Variants in USP7 observed in about 807,000 individuals in gnomAD.
The protein encoded by USP7 is ubiquitin C-terminal hydrolase 7.
A neutral mutation model predicts 162.9 loss-of-function variants in USP7; 9 were observed. The ratio of observed to expected loss-of-function variants is 0.06; its 90% CI spans 0.03 to 0.10. USP7 has a LOEUF of 0.10. USP7 is among the 10% of genes least tolerant of loss of function. The pLI is 1.00. For missense variants in USP7, 715 were observed against 1,373.7 expected, an observed-to-expected ratio of 0.52 and a Z score of 7.58; for synonymous variants, 562 against 475.9, an observed-to-expected ratio of 1.18 and a Z score of -2.35.
rs1416078089 is a variant in USP7, at chr16:8,897,714, A to ATATATATATAT, written c.2719-616_2719-615insATATATATATA. 7.0e-5 allele frequency among the ~76,000 whole-genome samples: 3 copies of ATATATATATAT among 42,948 alleles called. No homozygotes were observed. In the South Asian group the frequency reaches 3.0e-3, roughly 43 times the overall value. The allele number at this position is 42,948 out of a possible 152,430, so 28.2% of individuals were successfully genotyped here. On this transcript the variant is annotated intron_variant, in intron 25 of 30. Transcript: ENST00000344836. ...CTGTCTCTACAAAAAAAAAAAAAAA[A>ATATATATATAT]AAAAAAAAAAAAATATATATATATA... is the stretch of plus-strand genomic sequence containing the variant.
At position 8,963,451 on chromosome 16, in the gene USP7, G is replaced by GGGC. The variant is rs1050315230; in HGVS notation, c.-169_-167dup. On this transcript the variant is annotated 5_prime_UTR_variant, in exon 1 of 31. Coordinates refer to ENST00000344836, the MANE Select transcript of USP7 (RefSeq NM_003470.3). The stretch of plus-strand genomic sequence containing the variant: ...CGGCGGCCCCGGGGCGGCCCGCGGC[G>GGGC]GGCGGCGGCGGCGGCAGGGAGACGC... The GGGC allele has an allele frequency of 2.2e-4, 32 of 143,646 alleles. No homozygotes were observed. Among genetic ancestry groups the GGGC allele is most frequent in the Admixed American group, 1.2e-3 (18 of 14,464 alleles). The allele number at this position is 143,646 out of a possible 1,614,324, so 8.9% of individuals were successfully genotyped here. A position where few individuals can be genotyped will look rare whatever the true frequency, so the allele number is the denominator to read the frequency against.
At chr16:8,944,809 T>G (rs1330240426) in intron 1 of USP7, among the ~76,000 whole-genome samples, 1 of 152,152 alleles carries the variant, frequency 6.6e-6, no homozygotes, top group East Asian at 1.9e-4. Flanking sequence ...AAAGGTATTT[T>G]GAAAAGTTCC....
chr16:8,928,439 G>A (rs549402470), intron 2 of USP7, among the ~76,000 whole-genome samples: 9 of 152,152 alleles, frequency 5.9e-5, no homozygotes, highest in African/African-American at 2.2e-4. Context: ...ACAACCCTGA[G>A]ACATACGACA....
At position 8,892,558 on chromosome 16, in the gene USP7, C is replaced by T. The variant is rs1411186651; in HGVS notation, c.*1440G>A. 1 of 148,120 alleles carries T rather than the reference C, an allele frequency of 6.8e-6. No homozygotes were observed. Among genetic ancestry groups the T allele is most frequent in the East Asian group, 2.0e-4 (1 of 4,932 alleles). 9.2% of individuals were successfully genotyped at this position (148,120 alleles called of 1,614,324 possible). On this transcript the variant is annotated 3_prime_UTR_variant, in exon 31 of 31. Coordinates refer to ENST00000344836, the MANE Select transcript of USP7 (RefSeq NM_003470.3). ...TCACCTTATTTGTACACAGTTCTCTCCTGGAAAACCTTTCATTTCTTAAGA... is the reference window on the plus strand; with the variant it reads ...TCACCTTATTTGTACACAGTTCTCTTCTGGAAAACCTTTCATTTCTTAAGA...
intron 1 of USP7, among the ~76,000 whole-genome samples, chr16:8,959,020 G>A (rs576241987): frequency 3.9e-5 from 6 of 152,230 alleles, no homozygotes; most frequent in East Asian, 1.9e-4. Context: ...CTAACATAGT[G>A]TCACATTTTC....
chr16:8,899,545 G>C, intron 22 of USP7, 59 bp downstream of exon 22: 1 of 1,591,470 alleles, frequency 6.3e-7, no homozygotes. Context: ...AGCATTTTAA[G>C]AAAGAAATTT....
intron 25 of USP7, among the ~76,000 whole-genome samples, chr16:8,897,989 G>A (rs1596350812): frequency 1.3e-5 from 2 of 151,914 alleles, no homozygotes; most frequent in African/African-American, 4.8e-5. Flanking sequence ...AGCTTGGGGA[G>A]TAAGCGCAGA....
intron 1 of USP7, among the ~76,000 whole-genome samples, chr16:8,940,283 A>T (rs1898975723): frequency 6.6e-6 from 1 of 152,204 alleles, no homozygotes; most frequent in Admixed American, 6.5e-5. Context: ...CAAGTAGCTA[A>T]CCATGCTTTG....
intron 1 of USP7, among the ~76,000 whole-genome samples, chr16:8,952,104 A>C (rs1469915423): frequency 1.3e-5 from 2 of 152,124 alleles, no homozygotes; most frequent in East Asian, 3.8e-4. Context: ...AAAAGAAAAA[A>C]AATGGCCAGG....
intron 1 of USP7, among the ~76,000 whole-genome samples, chr16:8,944,290 G>T (rs1023043480): frequency 2.6e-5 from 4 of 151,902 alleles, no homozygotes; most frequent in African/African-American, 9.7e-5. Flanking sequence ...CTTGGCAGCT[G>T]AGAGAGGGGG....
intron 1 of USP7, among the ~76,000 whole-genome samples, chr16:8,939,547 C>G (rs1458435412): frequency 6.6e-6 from 1 of 152,164 alleles, no homozygotes; most frequent in African/African-American, 2.4e-5. Context: ...AAGAAGTAAA[C>G]ACAAGCAAGC....
intron 5 of USP7, 42 bp from the exon 6 acceptor site, chr16:8,919,181 C>T (rs1897539450): frequency 6.3e-7 from 1 of 1,594,240 alleles, no homozygotes; most frequent in Non-Finnish European, 8.6e-7. Flanking sequence ...TGCAGATACC[C>T]CATTGCTCCT....
chr16:8,901,121 G>T lies in USP7; in HGVS notation c.2140+21C>A, dbSNP rs773584026. 8.1e-6 allele frequency: 13 copies of T among 1,612,560 alleles called. No individual in the cohort carries two copies. The South Asian group carries it at 1.2e-4, about 15-fold the overall frequency. ...GTACTGAGCAAAATCTACTCAGAAGGTAAGTGCACGAAGGACTTACGTATT... is the reference window on the plus strand; with the variant it reads ...GTACTGAGCAAAATCTACTCAGAAGTTAAGTGCACGAAGGACTTACGTATT... On this transcript the variant is annotated intron_variant, in intron 19 of 30. Transcript: ENST00000344836.
chr16:8,897,393 C>A lies in USP7; in HGVS notation c.2719-294G>T, dbSNP rs922279563. On this transcript the variant is annotated intron_variant, in intron 25 of 30. Transcript: ENST00000344836. Reference sequence around the variant, plus strand: ...CAGGAAATGGTCCCGAGGGGTCACCCAGGGCCTTCCCAACTCTCAGCACAA... The same window carrying A: ...CAGGAAATGGTCCCGAGGGGTCACCAAGGGCCTTCCCAACTCTCAGCACAA... The A allele has an allele frequency of 8.3e-5, 30 of 360,636 alleles. No homozygotes were observed. The East Asian group carries it at 1.2e-3, about 14-fold the overall frequency. The allele number at this position is 360,636 out of a possible 1,614,324, so 22.3% of individuals were successfully genotyped here.
chr16:8,938,733 C>A (rs960225721), intron 1 of USP7, among the ~76,000 whole-genome samples: 1 of 150,638 alleles, frequency 6.6e-6, no homozygotes, highest in African/African-American at 2.5e-5. Flanking sequence ...ATTGGGGGGA[C>A]GGGGGAGTCT....
chr16:8,897,110 A>G lies in USP7; in HGVS notation c.2719-11T>C. 1 of 1,596,626 alleles carries G rather than the reference A, an allele frequency of 6.3e-7. No individual in the cohort carries two copies. Among genetic ancestry groups the G allele is most frequent in the Non-Finnish European group, 8.6e-7 (1 of 1,164,902 alleles). Reference sequence around the variant, plus strand: ...ATATAGTGTTATTTCCTAAGTAATGAAAAGATAAAATAAGTGCTTTCAAGA... The same window carrying G: ...ATATAGTGTTATTTCCTAAGTAATGGAAAGATAAAATAAGTGCTTTCAAGA... On this transcript the variant is annotated splice_polypyrimidine_tract_variant and intron_variant, in intron 25 of 30. Coordinates refer to ENST00000344836, the MANE Select transcript of USP7 (RefSeq NM_003470.3).
At chr16:8,944,294 G>A (rs1381053792) in intron 1 of USP7, among the ~76,000 whole-genome samples, 1 of 151,954 alleles carries the variant, frequency 6.6e-6, no homozygotes, top group South Asian at 2.1e-4. Flanking sequence ...GCAGCTGAGA[G>A]AGGGGGTGCA....
At chr16:8,904,666 G>C (rs193082282) in intron 14 of USP7, 101 bp from the exon 15 acceptor site, 1 of 1,511,192 alleles carries the variant, frequency 6.6e-7, no homozygotes, top group African/African-American at 1.4e-5. Flanking sequence ...CTATTAGGCC[G>C]GCGTGGTGGC....
In USP7 at chr16:8,897,353, T is replaced by C. The variant is rs2061698876; in HGVS notation, c.2719-254A>G. ...GCCTTGATGCAAGAAGCCTGTCATTTACAGAACACCTTCTCAGGAAATGGT... is the reference window on the plus strand; with the variant it reads ...GCCTTGATGCAAGAAGCCTGTCATTCACAGAACACCTTCTCAGGAAATGGT... On this transcript the variant is annotated intron_variant, in intron 25 of 30. Transcript: ENST00000344836. 3 of 450,626 alleles carry C rather than the reference T, an allele frequency of 6.7e-6. 1 individual carries two copies. In the Admixed American group the frequency reaches 1.2e-4, roughly 18 times the overall value. 27.9% of individuals were successfully genotyped at this position (450,626 alleles called of 1,614,324 possible).
Sources: allele counts gnomAD v4.1 joint callset (sites outside exome capture counted in the v4.1 genomes callset), GRCh38; gene constraint gnomAD v4.1.1; transcripts MANE v1.5; gene names NCBI Gene and HGNC (gene_info 2026-07-23, HGNC 2026-07-21).